Variants in APOB observed in about 807,000 individuals in gnomAD.
APOB encodes the protein apolipoprotein B.
APOB carries 153 observed loss-of-function variants against 314.1 expected under a neutral mutation model. The ratio of observed to expected loss-of-function variants is 0.49; its 90% CI spans 0.43 to 0.56. The LOEUF (loss-of-function observed/expected upper bound fraction) is 0.56, where lower values mean the gene tolerates loss of function less well. APOB is among the 20% of genes least tolerant of loss of function. The pLI is 0.00. For missense variants in APOB, 5,430 were observed against 5,350.7 expected (o/e 1.01, Z -0.46); for synonymous variants, 2,087 against 2,036.4 (o/e 1.02, Z -0.67).
chr2:21,016,547 G>T lies in APOB; in HGVS notation c.3224C>A (p.Thr1075Lys). The change falls in exon 21 of 29, where the codon ACA becomes AAA. Residue 1075 changes from threonine to lysine, a missense_variant. This residue lies in a region of APOB where 2,085 missense variants were observed against 2,079.7 expected (regional missense o/e 1.00). Coordinates refer to ENST00000233242, the MANE Select transcript of APOB (RefSeq NM_000384.3). ...QIPDFDVDLG[T>K]ILRVNDESTE... ...AGATTCATCATTAACTCTGAGGATT[G>T]TTCCGAGGTCAACATCAAAATCCGG... 1 of 1,606,172 alleles carries T rather than the reference G, an allele frequency of 6.2e-7. No individual in the cohort carries two copies. The highest frequency in any genetic ancestry group is 8.5e-7 in the Non-Finnish European group (1 of 1,172,688).
Position 21,010,476 on chromosome 2 carries a change from C to A in APOB, c.6392G>T (p.Trp2131Leu). The stretch of plus-strand genomic sequence containing the variant: ...CTTGGCATGTGAAACTTGTCTCTCC[C>A]AATTGAATGAATTCAGATAATCATT... ...QANDYLNSFN[W>L]ERQVSHAKEK... Residue 2131 changes from tryptophan to leucine, a missense_variant, in exon 26 of 29, where the codon TGG (tryptophan) becomes TTG (leucine). Trp to Leu is a moderately conservative substitution (Grantham distance 61, BLOSUM62 -2). This residue lies in a region of APOB where 3,281 missense variants were observed against 3,171.0 expected (regional missense o/e 1.03). Transcript: ENST00000233242. 2 of 1,610,872 alleles carry A rather than the reference C, an allele frequency of 1.2e-6. No homozygotes were observed. Among genetic ancestry groups the A allele is most frequent in the Non-Finnish European group, 8.5e-7 (1 of 1,177,632 alleles).
chr2:21,033,359 A>G lies in APOB; in HGVS notation c.1064T>C (p.Leu355Pro). 1 of 1,614,186 alleles carries G rather than the reference A, an allele frequency of 6.2e-7. No individual in the cohort carries two copies. The highest frequency in any genetic ancestry group is 8.5e-7 in the Non-Finnish European group (1 of 1,180,024). The change falls in exon 9 of 29, where the codon CTG (leucine) becomes CCG (proline). Residue 355 changes from leucine to proline, a missense_variant. By Grantham distance (98) the Leu-to-Pro change is moderately conservative. Transcript: ENST00000233242. ...ANLFNKLVTELRGLSDEAVTS... is the reference protein window; with the variant it reads ...ANLFNKLVTEPRGLSDEAVTS... ...GACTGCTTCATCACTGAGGCCTCTC[A>G]GCTCAGTAACCAGCTTATTGAAGAG...
At chr2:21,033,614 G>A in intron 8 of APOB, 96 bp from the exon 9 acceptor site, 1 of 1,015,282 alleles carries the variant, frequency 9.8e-7, no homozygotes, top group South Asian at 1.3e-5. Flanking sequence ...ATCAGCACAG[G>A]GGAAAAGGGA....
chr2:21,001,640 GT>G lies in APOB; in HGVS notation c.*89del. The G allele has an allele frequency of 7.4e-7, 1 of 1,348,636 alleles. No homozygotes were observed. Among genetic ancestry groups the G allele is most frequent in the South Asian group, 1.2e-5 (1 of 82,244 alleles). 83.5% of individuals were successfully genotyped at this position (1,348,636 alleles called of 1,614,324 possible). ...TACTGCAAGGCTGGCTCACTGTATG[GT>G]TTTATCAATATAGGCAGTTTGAATT... is the stretch of plus-strand genomic sequence containing the variant. On this transcript the variant is annotated 3_prime_UTR_variant, in exon 29 of 29. Coordinates refer to ENST00000233242, the MANE Select transcript of APOB (RefSeq NM_000384.3).
intron 15 of APOB, among the ~76,000 whole-genome samples, chr2:21,025,350 C>A (rs1663704703): frequency 6.6e-6 from 1 of 152,152 alleles, no homozygotes. Flanking sequence ...ATTAAAAAAT[C>A]TGTAGACATA....
Position 21,003,197 on chromosome 2 carries a change from G to T in APOB, c.12225C>A (p.Pro4075=). ...GLLTSLKDNV[P]KATGVLYDYV... is the part of the protein sequence containing the mutation. ...AATCATAAAGGACCCCTGTGGCCTT[G>T]GGCACGTTGTCTTTCAGAGAGGTTA... Residue 4075 remains proline (P), a synonymous_variant, in exon 29 of 29, where the codon CCC becomes CCA. Coordinates refer to ENST00000233242, the MANE Select transcript of APOB (RefSeq NM_000384.3). 6.2e-7 allele frequency: 1 copy of T among 1,613,980 alleles called. No individual in the cohort carries two copies. Among genetic ancestry groups the T allele is most frequent in the Non-Finnish European group, 8.5e-7 (1 of 1,179,960 alleles).
chr2:21,010,861 C>T lies in APOB; in HGVS notation c.6007G>A (p.Asp2003Asn), dbSNP rs773502213. 6.2e-7 allele frequency: 1 copy of T among 1,614,066 alleles called. No homozygotes were observed. The highest frequency in any genetic ancestry group is 2.2e-5 in the East Asian group (1 of 44,878). Reference protein sequence around the residue: ...SQDLDAYNTKDKIGVELTGRT... With the variant: ...SQDLDAYNTKNKIGVELTGRT... ...CCAGTAAGCTCCACGCCAATTTTAT[C>T]TTTAGTGTTGTAAGCATCCAAGTCC... Residue 2003 changes from aspartate to asparagine, a missense_variant, in exon 26 of 29, where the codon GAT (aspartate) becomes AAT (asparagine). Physicochemically the swap from Asp to Asn is conservative, Grantham distance 23. Around this residue, in one of 3 missense-constraint regions of APOB, gnomAD observed 3,281 missense variants for 3,171.0 expected, o/e 1.03. Coordinates refer to ENST00000233242, the MANE Select transcript of APOB (RefSeq NM_000384.3).
Position 21,022,863 on chromosome 2 carries a change from G to A in APOB, c.2784C>T (p.Ser928=). ...KAGKLKFIIP[S]PKRPVKLLSG... ...TGAGCAGCTTGACTGGTCTCTTTGG[G>A]GAAGGAATGATAAACTTCAGCTTCC... is the stretch of plus-strand genomic sequence containing the variant. The change falls in exon 18 of 29, where the codon TCC becomes TCT. Residue 928 remains serine, a synonymous_variant. Coordinates refer to ENST00000233242, the MANE Select transcript of APOB (RefSeq NM_000384.3). 1 of 1,614,160 alleles carries A rather than the reference G, an allele frequency of 6.2e-7. No homozygotes were observed. The highest frequency in any genetic ancestry group is 8.5e-7 in the Non-Finnish European group (1 of 1,180,020).
At chr2:21,042,279 A>G in intron 3 of APOB, 82 bp downstream of exon 3, 1 of 980,074 alleles carries the variant, frequency 1.0e-6, no homozygotes, top group South Asian at 1.3e-5. Flanking sequence ...CCCTCCGGGA[A>G]GGTCGCGTGT....
In APOB at chr2:21,004,625, C is replaced by A; in HGVS notation, c.11839G>T (p.Gly3947Ter). 6.2e-7 allele frequency: 1 copy of A among 1,613,926 alleles called. No individual in the cohort carries two copies. Among genetic ancestry groups the A allele is most frequent in the Middle Eastern group, 1.7e-4 (1 of 6,058 alleles). Residue 3947 changes from glycine (G) to a stop codon, truncating the protein, a stop_gained, in exon 27 of 29, where the codon GGA becomes TGA. Transcript: ENST00000233242. LOFTEE classifies it high-confidence loss of function. The stretch of plus-strand genomic sequence containing the variant: ...CTGAAGTCACGGTGTGCAAATGTTC[C>A]TTTAGTCTTAGAGGCTAACGTACCA... ...EDGTLASKTK[G>*]TFAHRDFSAE...
rs375275230 is a variant in APOB at position 21,002,893 on chromosome 2, G to A, written c.12529C>T (p.Arg4177Ter). The A allele has an allele frequency of 4.3e-6, 7 of 1,613,506 alleles. No individual in the cohort carries two copies. Among genetic ancestry groups the A allele is most frequent in the African/African-American group, 4.0e-5 (3 of 74,876 alleles). Reference protein sequence around the residue: ...LKDNVFDGLVRVTQEFHMKVK... With the variant: ...LKDNVFDGLV ...TTCATATGGAATTCTTGAGTAACTCGTACCAAGCCATCAAACACGTTATCC... is the reference window on the plus strand; with the variant it reads ...TTCATATGGAATTCTTGAGTAACTCATACCAAGCCATCAAACACGTTATCC... The change falls in exon 29 of 29, where the codon CGA becomes TGA. Residue 4177 changes from arginine (R) to a stop codon, truncating the protein, a stop_gained. Transcript: ENST00000233242. LOFTEE classifies it low-confidence loss of function (END_TRUNC).
At chr2:21,013,039 T>C in intron 25 of APOB, 121 bp downstream of exon 25, 1 of 1,223,606 alleles carries the variant, frequency 8.2e-7, no homozygotes, top group Non-Finnish European at 1.2e-6. Flanking sequence ...ATAAAAGACT[T>C]CCAAGTAGCA....
chr2:21,007,880 A>C lies in APOB; in HGVS notation c.8988T>G (p.His2996Gln). 6.2e-7 allele frequency: 1 copy of C among 1,614,056 alleles called. No homozygotes were observed. The highest frequency in any genetic ancestry group is 8.5e-7 in the Non-Finnish European group (1 of 1,179,958). Reference sequence around the variant, plus strand: ...TAGCAGTTAGAACACTGTGGCCCACATGCTGGGAATCGACTTGTGATTGAA... The same window carrying C: ...TAGCAGTTAGAACACTGTGGCCCACCTGCTGGGAATCGACTTGTGATTGAA... Reference protein sequence around the residue: ...LEIQSQVDSQHVGHSVLTAKG... With the variant: ...LEIQSQVDSQQVGHSVLTAKG... Residue 2996 changes from histidine (H) to glutamine (Q), a missense_variant, in exon 26 of 29, where the codon CAT (histidine) becomes CAG (glutamine). Physicochemically the swap from His to Gln is conservative, Grantham distance 24. Around this residue, in one of 3 missense-constraint regions of APOB, gnomAD observed 3,281 missense variants for 3,171.0 expected, o/e 1.03. Transcript: ENST00000233242.
chr2:21,037,025 A>G, intron 6 of APOB, 75 bp downstream of exon 6: 2 of 1,588,726 alleles, frequency 1.3e-6, no homozygotes, highest in South Asian at 1.1e-5. Flanking sequence ...GGTGCCCACT[A>G]GCTCAAAAGT....
rs1200258360 is a variant in APOB, at chr2:21,007,165, C to A, written c.9703G>T (p.Ala3235Ser). 3 of 1,613,872 alleles carry A rather than the reference C, an allele frequency of 1.9e-6. No homozygotes were observed. Among genetic ancestry groups the A allele is most frequent in the East Asian group, 4.5e-5 (2 of 44,870 alleles). The change falls in exon 26 of 29, where the codon GCT becomes TCT. Residue 3235 changes from alanine to serine, a missense_variant. Around this residue, in one of 3 missense-constraint regions of APOB, gnomAD observed 3,281 missense variants for 3,171.0 expected, o/e 1.03. Coordinates refer to ENST00000233242, the MANE Select transcript of APOB (RefSeq NM_000384.3). ...GGGAGCTCGTCGTGAGATTTTTCAG[C>A]TTTGTACTTATCAAACTTAATTTTT... Reference protein sequence around the residue: ...ETKIKFDKYKAEKSHDELPRT... With the variant: ...ETKIKFDKYKSEKSHDELPRT...
chr2:21,017,030 T>C (rs1276907812), intron 20 of APOB, among the ~76,000 whole-genome samples: 2 of 127,068 alleles, frequency 1.6e-5, no homozygotes, highest in African/African-American at 5.7e-5. Flanking sequence ...AACAAATAAA[T>C]AAATAAATAA....
chr2:21,015,005 A>C (rs1663428312), intron 23 of APOB, 68 bp downstream of exon 23: 1 of 1,477,528 alleles, frequency 6.8e-7, no homozygotes, highest in East Asian at 2.3e-5. Context: ...TCCTGCACCT[A>C]GCTCAGAGTT....
chr2:21,026,968 A>T lies in APOB; in HGVS notation c.2068-4T>A, dbSNP rs41291161. On this transcript the variant is annotated splice_region_variant and splice_polypyrimidine_tract_variant and intron_variant, in intron 14 of 28. Transcript: ENST00000233242. ...AGCCTTTTCCTTCCAAGCCAATCTG[A>T]GAAAGAAAATCAGACAAGAAAATGG... 2,020 of 1,614,142 alleles carry T rather than the reference A, an allele frequency of 1.3e-3. 10 individuals carry two copies. Among genetic ancestry groups the T allele is most frequent in the Middle Eastern group, 6.9e-3 (42 of 6,062 alleles).
rs2103357875 is a variant in APOB at position 21,011,072 on chromosome 2, C to T, written c.5796G>A (p.Leu1932=). ...TAAATGCCAGAGGTTCTGCTTTCAA[C>T]AGGAATTTGCTATACAGCTGCCCAG... The part of the protein sequence containing the change: ...EHTGQLYSKF[L]LKAEPLAFTF... Residue 1932 remains leucine, a synonymous_variant, in exon 26 of 29, where the codon CTG becomes CTA. Coordinates refer to ENST00000233242, the MANE Select transcript of APOB (RefSeq NM_000384.3). 3.1e-6 allele frequency: 5 copies of T among 1,614,168 alleles called. No individual in the cohort carries two copies. The African/African-American group carries it at 4.0e-5, about 13-fold the overall frequency.
Sources: allele counts gnomAD v4.1 joint callset (sites outside exome capture counted in the v4.1 genomes callset), GRCh38; gene constraint gnomAD v4.1.1; regional missense constraint gnomAD v4.1.1; transcripts MANE v1.5; gene names NCBI Gene and HGNC (gene_info 2026-07-23, HGNC 2026-07-21).